MS4A10: variants seen among roughly 807,000 people sequenced by gnomAD.
MS4A10 encodes the protein membrane-spanning 4-domains subfamily A member 10.
A neutral mutation model predicts 27.7 loss-of-function variants in MS4A10; 27 were observed. The observed-to-expected ratio is 0.98, with a 90% CI of 0.72 to 1.35. MS4A10 has a LOEUF of 1.35. Ranked by LOEUF, MS4A10 falls within the 40% of genes most tolerant of loss-of-function variation. The pLI, the probability that MS4A10 is intolerant of heterozygous loss-of-function variation, is 0.00. For synonymous variants in MS4A10, 139 were observed against 131.2 expected, an observed-to-expected ratio of 1.06 and a Z score of -0.41; for missense variants, 338 against 324.7, an observed-to-expected ratio of 1.04 and a Z score of -0.32.
chr11:60,786,177 ACACACACACACG>A (rs1001341567), intron 1 of MS4A10, among the ~76,000 whole-genome samples: 1 of 138,140 alleles, frequency 7.2e-6, no homozygotes, highest in African/African-American at 3.0e-5. Flanking sequence ...ACACATGCAC[ACACACACACACG>A]CACACACACA....
At chr11:60,794,997 T>C (rs1854500914) in intron 5 of MS4A10, among the ~76,000 whole-genome samples, 2 of 152,272 alleles carry the variant, frequency 1.3e-5, no homozygotes, top group Non-Finnish European at 1.5e-5. Flanking sequence ...GTTCTGACCA[T>C]AGTGGTTTGT....
intron 6 of MS4A10, among the ~76,000 whole-genome samples, chr11:60,796,626 A>C (rs1854537047): frequency 6.6e-6 from 1 of 152,120 alleles, no homozygotes; most frequent in Non-Finnish European, 1.5e-5. Flanking sequence ...CATACTACAG[A>C]CTAGCAAGCT....
chr11:60,795,499 T>C, intron 5 of MS4A10, 56 bp from the exon 6 acceptor site: 2 of 1,197,746 alleles, frequency 1.7e-6, no homozygotes, highest in Non-Finnish European at 2.3e-6. Context: ...GCCCACGTGA[T>C]GCGTGCAGAC....
rs1854605781 is a variant in MS4A10, at chr11:60,800,009, G to C, written c.*100G>C. ...GAAGATGAGATTTGCACATACAAAA[G>C]GCTAGAGCGATGGTCTATACAGCAA... On this transcript the variant is annotated 3_prime_UTR_variant, in exon 8 of 8. Coordinates refer to ENST00000308287, the MANE Select transcript of MS4A10 (RefSeq NM_206893.4). 5 of 1,587,700 alleles carry C rather than the reference G, an allele frequency of 3.1e-6. No individual in the cohort carries two copies. The highest frequency in any genetic ancestry group is 4.3e-6 in the Non-Finnish European group (5 of 1,164,282).
chr11:60,799,787 G>A (rs758269681), intron 7 of MS4A10, 41 bp from the exon 8 acceptor site: 2 of 913,922 alleles, frequency 2.2e-6, no homozygotes. Context: ...ATCGATCTGT[G>A]ACCTAGCTGC....
intron 6 of MS4A10, 139 bp from the exon 7 acceptor site, chr11:60,798,257 G>A (rs1010373320): frequency 2.2e-5 from 15 of 668,402 alleles, no homozygotes; most frequent in South Asian, 9.0e-5. Context: ...TATGGAAGTC[G>A]CTTCGTCTCT....
chr11:60,799,697 C>T (rs1404660967), intron 7 of MS4A10, 131 bp from the exon 8 acceptor site: 1 of 649,418 alleles, frequency 1.5e-6, no homozygotes. Context: ...ATTTGCAGAG[C>T]TCACTCTTTG....
At chr11:60,788,503 CAGT>C (rs1854375331) in intron 1 of MS4A10, among the ~76,000 whole-genome samples, 1 of 152,228 alleles carries the variant, frequency 6.6e-6, no homozygotes, top group Non-Finnish European at 1.5e-5. Flanking sequence ...TAGGTGAAGC[CAGT>C]GGCTAACCTG....
rs1590998651 is a variant in MS4A10, at chr11:60,793,491, C to A, written c.361-481C>A. Among the ~76,000 whole-genome samples, 3 of 152,146 alleles carry A rather than the reference C, an allele frequency of 2.0e-5. No individual in the cohort carries two copies. In the South Asian group the frequency reaches 6.2e-4, roughly 32 times the overall value. On this transcript the variant is annotated intron_variant, in intron 4 of 7. Coordinates refer to ENST00000308287, the MANE Select transcript of MS4A10 (RefSeq NM_206893.4). The stretch of plus-strand genomic sequence containing the variant: ...CGATGAATACAGGCATTTCAGGAAC[C>A]ATGGCAGGTGGGCGGAGAAAATGGG...
chr11:60,794,167 CAGG>C (rs1417493039), intron 5 of MS4A10, 64 bp downstream of exon 5: 18 of 1,598,046 alleles, frequency 1.1e-5, no homozygotes, highest in Non-Finnish European at 1.5e-5. Context: ...ATTTGGCCAA[CAGG>C]AGGTTTCCAG....
At position 60,790,581 on chromosome 11, in the gene MS4A10, A is replaced by G. The variant is rs1248980464; in HGVS notation, c.183+63A>G. On this transcript the variant is annotated intron_variant, in intron 2 of 7. Coordinates refer to ENST00000308287, the MANE Select transcript of MS4A10 (RefSeq NM_206893.4). ...CAGAGGAGAGGGGGATATGAGGAGGATGCTGGGGGGCCCCAAGGGAAGAAA... is the reference window on the plus strand; with the variant it reads ...CAGAGGAGAGGGGGATATGAGGAGGGTGCTGGGGGGCCCCAAGGGAAGAAA... 7 of 1,571,802 alleles carry G rather than the reference A, an allele frequency of 4.5e-6. No homozygotes were observed. In the African/African-American group the frequency reaches 6.8e-5, roughly 15 times the overall value.
At chr11:60,798,601 G>T in intron 7 of MS4A10, 87 bp downstream of exon 7, 1 of 1,068,164 alleles carries the variant, frequency 9.4e-7, no homozygotes, top group Non-Finnish European at 1.4e-6. Context: ...CAGTTCCCAG[G>T]GGAGCTGTAA....
intron 1 of MS4A10, among the ~76,000 whole-genome samples, chr11:60,786,290 C>T (rs1156307665): frequency 6.6e-6 from 1 of 152,104 alleles, no homozygotes; most frequent in East Asian, 1.9e-4. Flanking sequence ...CACGTTTCCT[C>T]TGCCTGCTCA....
chr11:60,789,739 GT>G (rs1162073301), intron 1 of MS4A10, among the ~76,000 whole-genome samples: 1 of 152,226 alleles, frequency 6.6e-6, no homozygotes, highest in African/African-American at 2.4e-5. Context: ...CACGTAGAAG[GT>G]TTATCTCAGT....
chr11:60,786,283 G>A (rs550589800), intron 1 of MS4A10, among the ~76,000 whole-genome samples: 3 of 151,980 alleles, frequency 2.0e-5, no homozygotes, highest in South Asian at 2.1e-4. Context: ...TTCATGCCAC[G>A]TTTCCTCTGC....
intron 1 of MS4A10, among the ~76,000 whole-genome samples, chr11:60,785,799 CA>C (rs1354397010): frequency 6.6e-6 from 1 of 152,094 alleles, no homozygotes; most frequent in Non-Finnish European, 1.5e-5. Flanking sequence ...TGCATACACA[CA>C]GAGAGACCAG....
rs112381946 is a variant in MS4A10, at chr11:60,799,975, T to G, written c.*66T>G. 3 of 1,611,514 alleles carry G rather than the reference T, an allele frequency of 1.9e-6. No homozygotes were observed. The African/African-American group carries it at 4.0e-5, about 21-fold the overall frequency. The stretch of plus-strand genomic sequence containing the variant: ...AGCCCCTGCTCTCCCAAAGTTGCAC[T>G]TTCACTGGGAAGATGAGATTTGCAC... On this transcript the variant is annotated 3_prime_UTR_variant, in exon 8 of 8. Coordinates refer to ENST00000308287, the MANE Select transcript of MS4A10 (RefSeq NM_206893.4).
intron 6 of MS4A10, 26 bp from the exon 7 acceptor site, chr11:60,798,370 C>A: frequency 6.4e-7 from 1 of 1,554,338 alleles, no homozygotes; most frequent in Non-Finnish European, 8.9e-7. Context: ...CTGTGAGCAG[C>A]AGGGGCGGCG....
chr11:60,791,559 C>G (rs1221605341), intron 3 of MS4A10, among the ~76,000 whole-genome samples: 1 of 152,206 alleles, frequency 6.6e-6, no homozygotes, highest in East Asian at 1.9e-4. Flanking sequence ...GTGCATGCAC[C>G]ATTTCCCAGA....
Sources: allele counts gnomAD v4.1 joint callset (sites outside exome capture counted in the v4.1 genomes callset), GRCh38; gene constraint gnomAD v4.1.1; transcripts MANE v1.5; gene names NCBI Gene and HGNC (gene_info 2026-07-23, HGNC 2026-07-21).